Variants in MAGI2 observed in about 807,000 individuals in gnomAD.
The protein encoded by MAGI2 is membrane associated guanylate kinase, WW and PDZ domain containing 2.
A neutral mutation model predicts 133.3 loss-of-function variants in MAGI2; 35 were observed. The ratio of observed to expected loss-of-function variants is 0.26; its 90% CI spans 0.20 to 0.35. MAGI2 has a LOEUF of 0.35. Ranked by LOEUF, MAGI2 falls within the 10% of genes least tolerant of loss-of-function variation. The probability of loss-of-function intolerance (pLI) is 1.00; values close to 1 mark genes in which losing one functional copy is unlikely to be tolerated. For synonymous variants in MAGI2, 729 were observed against 710.6 expected (o/e 1.03, Z -0.41); for missense variants, 1,636 against 1,863.4 (o/e 0.88, Z 2.25).
At chr7:79,121,000 G>A (rs1356811671) in intron 1 of MAGI2, among the ~76,000 whole-genome samples, 1 of 152,068 alleles carries the variant, frequency 6.6e-6, no homozygotes. Flanking sequence ...ATAGCTGACA[G>A]CATTTCTGCC....
chr7:79,377,918 T>A (rs848930), intron 1 of MAGI2, among the ~76,000 whole-genome samples: 75,875 of 151,670 alleles, frequency 0.5, 20,424 homozygotes, highest in African/African-American at 0.7. Context: ...CCAGGAGATA[T>A]TATTAATGAA....
chr7:78,379,581 C>T (rs7808132), intron 6 of MAGI2, among the ~76,000 whole-genome samples: 124,106 of 151,958 alleles, frequency 0.82, 50,784 homozygotes, highest in Admixed American at 0.85. Context: ...TGAGGAAAAA[C>T]ACACTAATAA....
At chr7:78,547,660 C>T (rs1231364023) in intron 3 of MAGI2, among the ~76,000 whole-genome samples, 2 of 152,212 alleles carry the variant, frequency 1.3e-5, no homozygotes, top group African/African-American at 4.8e-5. Flanking sequence ...CGCGCGCACA[C>T]ACACACTCAC....
At chr7:78,501,414 C>A (rs1794609322) in intron 5 of MAGI2, among the ~76,000 whole-genome samples, 163 bp downstream of exon 5, 1 of 151,504 alleles carries the variant, frequency 6.6e-6, no homozygotes, top group East Asian at 1.9e-4. Context: ...GGAGGCTTAA[C>A]TGTATTAAGG....
At chr7:79,272,534 T>C (rs1365410790) in intron 1 of MAGI2, among the ~76,000 whole-genome samples, 1 of 152,138 alleles carries the variant, frequency 6.6e-6, no homozygotes, top group Admixed American at 6.6e-5. Flanking sequence ...ACCGAACTTG[T>C]ATCCATTTAA....
chr7:78,546,473 A>C (rs1466644820), intron 3 of MAGI2, among the ~76,000 whole-genome samples: 1 of 152,220 alleles, frequency 6.6e-6, no homozygotes, highest in Non-Finnish European at 1.5e-5. Flanking sequence ...AAGATAGACA[A>C]GCCTGCAGGT....
intron 2 of MAGI2, among the ~76,000 whole-genome samples, chr7:78,683,241 T>C (rs1203963640): frequency 6.6e-6 from 1 of 152,106 alleles, no homozygotes; most frequent in African/African-American, 2.4e-5. Context: ...GCAATACCAA[T>C]CAGGAGGACC....
rs1394755834 is a variant in MAGI2, at chr7:78,018,200, A to AC, written c.*1114_*1115insG. ...AAGGACAAAGGGTAAGGAAAGAAGG[A>AC]TAAGCAGAAAGGAATGCTAAAAAGA... On this transcript the variant is annotated 3_prime_UTR_variant, in exon 22 of 22. Transcript: ENST00000354212. 6.6e-6 allele frequency: 1 copy of AC among 152,592 alleles called. No homozygotes were observed. Among genetic ancestry groups the AC allele is most frequent in the African/African-American group, 2.4e-5 (1 of 41,462 alleles). 9.5% of individuals were successfully genotyped at this position (152,592 alleles called of 1,614,324 possible).
At chr7:79,221,884 A>G (rs569660782) in intron 1 of MAGI2, among the ~76,000 whole-genome samples, 3 of 152,046 alleles carry the variant, frequency 2.0e-5, no homozygotes, top group Non-Finnish European at 4.4e-5. Flanking sequence ...ACTTTAAAAG[A>G]AAAAACATTA....
intron 1 of MAGI2, among the ~76,000 whole-genome samples, chr7:79,048,783 G>A (rs185068009): frequency 6.6e-6 from 1 of 152,036 alleles, no homozygotes; most frequent in African/African-American, 2.4e-5. Context: ...AGACCAGCCT[G>A]GCCAACAGTG....
chr7:79,405,682 T>C (rs1036952089), intron 1 of MAGI2, among the ~76,000 whole-genome samples: 8 of 152,152 alleles, frequency 5.3e-5, no homozygotes, highest in African/African-American at 1.9e-4. Flanking sequence ...ATGAGTTCCA[T>C]GGGACCTGAA....
At chr7:78,504,409 T>C (rs1279227724) in intron 4 of MAGI2, among the ~76,000 whole-genome samples, 2 of 152,116 alleles carry the variant, frequency 1.3e-5, no homozygotes, top group African/African-American at 4.8e-5. Flanking sequence ...GGATAAACAA[T>C]GAGTCTTATT....
chr7:78,586,664 C>G (rs759332), intron 3 of MAGI2, among the ~76,000 whole-genome samples: 49,943 of 151,964 alleles, frequency 0.33, 8,244 homozygotes, highest in Middle Eastern at 0.39. Flanking sequence ...ACCATCACCA[C>G]CACCCATCTC....
intron 3 of MAGI2, among the ~76,000 whole-genome samples, chr7:78,549,283 C>G (rs1265862150): frequency 6.6e-6 from 1 of 152,092 alleles, no homozygotes; most frequent in Non-Finnish European, 1.5e-5. Context: ...AATAGTTTCA[C>G]AGAACGCCAA....
At chr7:78,591,069 T>G (rs1284822819) in intron 3 of MAGI2, among the ~76,000 whole-genome samples, 2 of 152,142 alleles carry the variant, frequency 1.3e-5, no homozygotes, top group African/African-American at 4.8e-5. Flanking sequence ...ATGCCTAGAT[T>G]TATCTAAACT....
chr7:78,862,199 G>A (rs1763865730), intron 2 of MAGI2, among the ~76,000 whole-genome samples: 2 of 152,090 alleles, frequency 1.3e-5, no homozygotes, highest in South Asian at 4.1e-4. Context: ...ATATGTCCTT[G>A]CTTCTCTCTC....
intron 1 of MAGI2, among the ~76,000 whole-genome samples, chr7:79,096,782 C>T (rs1317395535): frequency 1.3e-5 from 2 of 152,156 alleles, no homozygotes; most frequent in African/African-American, 4.8e-5. Context: ...ACTTCTGCTA[C>T]CCCTTCCTCC....
At chr7:78,768,104 T>C (rs1399973187) in intron 2 of MAGI2, among the ~76,000 whole-genome samples, 1 of 152,220 alleles carries the variant, frequency 6.6e-6, no homozygotes. Flanking sequence ...ATTATCTGGT[T>C]TAAATATGAG....
At chr7:78,533,724 A>T (rs908041134) in intron 3 of MAGI2, among the ~76,000 whole-genome samples, 9 of 152,230 alleles carry the variant, frequency 5.9e-5, no homozygotes, top group African/African-American at 2.2e-4. Flanking sequence ...TACATTGATT[A>T]TATGTCAAAA....
Sources: allele counts gnomAD v4.1 joint callset (sites outside exome capture counted in the v4.1 genomes callset), GRCh38; gene constraint gnomAD v4.1.1; transcripts MANE v1.5; gene names NCBI Gene and HGNC (gene_info 2026-07-23, HGNC 2026-07-21).